Variants in STAMBPL1 observed in about 807,000 individuals in gnomAD.
The protein encoded by STAMBPL1 is STAM binding protein like 1.
STAMBPL1 carries 44 observed loss-of-function variants against 52.9 expected under a neutral mutation model. The ratio of observed to expected loss-of-function variants is 0.83; its 90% CI spans 0.65 to 1.07. The LOEUF is 1.07. Ranked by LOEUF, STAMBPL1 falls within the 50% of genes least tolerant of loss-of-function variation. STAMBPL1 has a pLI of 0.00. For synonymous variants in STAMBPL1, 164 were observed against 177.3 expected (o/e 0.92, Z 0.60); for missense variants, 511 against 520.8 (o/e 0.98, Z 0.18).
At chr10:88,900,588 C>T (rs1844920967) in intron 1 of STAMBPL1, among the ~76,000 whole-genome samples, 1 of 152,136 alleles carries the variant, frequency 6.6e-6, no homozygotes, top group African/African-American at 2.4e-5. Flanking sequence ...TATGTGCTAA[C>T]TCATTTGATC....
intron 1 of STAMBPL1, among the ~76,000 whole-genome samples, chr10:88,888,964 A>G (rs998229258): frequency 1.3e-5 from 2 of 152,350 alleles, no homozygotes; most frequent in East Asian, 3.9e-4. Flanking sequence ...ATGTTGTTCC[A>G]GACTTGTTTC....
chr10:88,921,474 TGTG>T (rs1193940100), intron 9 of STAMBPL1, 79 bp downstream of exon 9: 1 of 1,153,206 alleles, frequency 8.7e-7, no homozygotes, highest in Non-Finnish European at 1.3e-6. Flanking sequence ...GACACCAGGT[TGTG>T]GTACTTGGAT....
Position 88,914,555 on chromosome 10 carries a change from G to A in STAMBPL1, c.800G>A (p.Arg267Gln), listed in dbSNP as rs200651856. ...TTAGATTTAGTGGTTGAAGGACTGCGATGTGTAGTTTTGCCAGAAGATCTT... is the reference window on the plus strand; with the variant it reads ...TTAGATTTAGTGGTTGAAGGACTGCAATGTGTAGTTTTGCCAGAAGATCTT... ...AVQNLVVEGL[R>Q]CVVLPEDLCH... Residue 267 changes from arginine to glutamine, a missense_variant, in exon 7 of 11, where the codon CGA becomes CAA. This residue lies in a region of STAMBPL1 where 358 missense variants were observed against 343.5 expected (regional missense o/e 1.04). Coordinates refer to ENST00000371926, the MANE Select transcript of STAMBPL1 (RefSeq NM_020799.4). 1.4e-5 allele frequency: 21 copies of A among 1,536,704 alleles called. No individual in the cohort carries two copies. Among genetic ancestry groups the A allele is most frequent in the East Asian group, 2.5e-5 (1 of 39,940 alleles).
At chr10:88,913,852 A>G (rs1845298133) in intron 6 of STAMBPL1, among the ~76,000 whole-genome samples, 1 of 152,182 alleles carries the variant, frequency 6.6e-6, no homozygotes, top group African/African-American at 2.4e-5. Context: ...GCTCAGCAAT[A>G]AATGTTTATA....
intron 6 of STAMBPL1, 109 bp downstream of exon 6, chr10:88,913,567 C>T: frequency 1.1e-6 from 1 of 893,222 alleles, no homozygotes; most frequent in South Asian, 1.7e-5. Context: ...TGTAGTAGGA[C>T]CCCTGCATAA....
intron 1 of STAMBPL1, 100 bp downstream of exon 1, chr10:88,880,738 C>T (rs1844381354): frequency 6.6e-6 from 1 of 152,242 alleles, no homozygotes; most frequent in Non-Finnish European, 1.5e-5. Context: ...GCCGGCCCTT[C>T]CGCTGGCAGC....
intron 1 of STAMBPL1, among the ~76,000 whole-genome samples, chr10:88,895,794 C>T (rs544742802): frequency 2.0e-5 from 3 of 152,248 alleles, no homozygotes; most frequent in Middle Eastern, 6.8e-3. Context: ...CTAAGGGCAC[C>T]GAACCACTTC....
intron 1 of STAMBPL1, among the ~76,000 whole-genome samples, chr10:88,890,681 A>C (rs2133130163): frequency 6.6e-6 from 1 of 152,376 alleles, no homozygotes; most frequent in South Asian, 2.1e-4. Context: ...TGAAGTCAGA[A>C]GCATCACCAT....
chr10:88,910,322 T>C (rs1217581602), intron 4 of STAMBPL1, among the ~76,000 whole-genome samples: 2 of 152,144 alleles, frequency 1.3e-5, no homozygotes, highest in African/African-American at 2.4e-5. Flanking sequence ...AAGAGGTAGT[T>C]GGACTATATA....
chr10:88,912,509 C>G (rs1344414018), intron 5 of STAMBPL1: 5 of 152,130 alleles, frequency 3.3e-5, no homozygotes, highest in Admixed American at 2.0e-4. Context: ...CCATAAATTT[C>G]CAGCAGAGTA....
chr10:88,906,441 T>C (rs1327776420), intron 3 of STAMBPL1, among the ~76,000 whole-genome samples: 2 of 152,246 alleles, frequency 1.3e-5, no homozygotes, highest in Non-Finnish European at 2.9e-5. Context: ...CCTTCTTTTT[T>C]TTAATTGAAA....
intron 9 of STAMBPL1, among the ~76,000 whole-genome samples, chr10:88,922,043 C>T (rs528143234): frequency 6.6e-6 from 1 of 152,228 alleles, no homozygotes; most frequent in Non-Finnish European, 1.5e-5. Context: ...TTGTAATTTC[C>T]TCTCATGAGA....
Position 88,908,751 on chromosome 10 carries a change from G to A in STAMBPL1, c.298G>A (p.Val100Ile). 6.2e-7 allele frequency: 1 copy of A among 1,608,540 alleles called. No individual in the cohort carries two copies. Among genetic ancestry groups the A allele is most frequent in the Non-Finnish European group, 8.5e-7 (1 of 1,178,026 alleles). Residue 100 changes from valine (V) to isoleucine (I), a missense_variant, in exon 4 of 11, where the codon GTA becomes ATA. Val to Ile is a conservative substitution (Grantham distance 29). Transcript: ENST00000371926. ...CCATCGAGATTACCAGCAATGTGCA[G>A]TACCTGAAAAGCAGGATATTATGAA... Reference protein sequence around the residue: ...PNHRDYQQCAVPEKQDIMKKL... With the variant: ...PNHRDYQQCAIPEKQDIMKKL...
intron 8 of STAMBPL1, among the ~76,000 whole-genome samples, chr10:88,920,429 C>T (rs11202892): frequency 0.98 from 149,036 of 152,330 alleles, 72,917 homozygotes; most frequent in East Asian, 1. Context: ...AAATCTTCAG[C>T]GTCATATAGC....
intron 5 of STAMBPL1, 169 bp from the exon 6 acceptor site, chr10:88,912,932 G>T (rs1284070122): frequency 9.0e-6 from 6 of 666,138 alleles, no homozygotes; most frequent in Non-Finnish European, 1.6e-5. Flanking sequence ...AGATCAAGGG[G>T]CTTTTGCCCT....
intron 3 of STAMBPL1, 44 bp from the exon 4 acceptor site, chr10:88,908,657 CT>C: frequency 6.6e-7 from 1 of 1,509,940 alleles, no homozygotes; most frequent in Non-Finnish European, 9.1e-7. Flanking sequence ...CATTATTGAA[CT>C]TTTGCTGTCA....
chr10:88,916,678 A>G lies in STAMBPL1; in HGVS notation c.904-2A>G. On this transcript the variant is annotated splice_acceptor_variant, in intron 7 of 10. Transcript: ENST00000371926. LOFTEE classifies it high-confidence loss of function. ...GTCATTCTTTCTGCTATTGTTTTTT[A>G]GACACATAATGAATTTACTATTACC... The G allele has an allele frequency of 6.3e-7, 1 of 1,579,860 alleles. No homozygotes were observed. The highest frequency in any genetic ancestry group is 8.6e-7 in the Non-Finnish European group (1 of 1,166,892).
chr10:88,892,168 T>C (rs1435611333), intron 1 of STAMBPL1, among the ~76,000 whole-genome samples: 1 of 152,172 alleles, frequency 6.6e-6, no homozygotes, highest in Admixed American at 6.6e-5. Flanking sequence ...ATAGGGAAAG[T>C]TCAGCTGATC....
intron 1 of STAMBPL1, among the ~76,000 whole-genome samples, chr10:88,896,135 G>T (rs1212418083): frequency 6.6e-6 from 1 of 152,098 alleles, no homozygotes; most frequent in Non-Finnish European, 1.5e-5. Flanking sequence ...CTAATATTAT[G>T]ATCATTTCGT....
Sources: gnomAD v4.1 joint callset for allele counts (sites outside exome capture counted in the v4.1 genomes callset) on GRCh38, gnomAD v4.1.1 for gene constraint, gnomAD v4.1.1 regional missense constraint, MANE v1.5 for transcripts, NCBI Gene and HGNC (gene_info 2026-07-23, HGNC 2026-07-21) for gene names.